The following GRM8 variants were observed in gnomAD, a reference collection of about 807,000 sequenced individuals.
GRM8 encodes glutamate metabotropic receptor 8, also known as metabotropic glutamate receptor 8.
Under a neutral mutation model 87.2 loss-of-function variants are expected in GRM8, and 47 were observed. The ratio of observed to expected loss-of-function variants is 0.54; its 90% CI spans 0.43 to 0.69. GRM8 has a LOEUF of 0.69. Ranked by LOEUF, GRM8 falls within the 30% of genes least tolerant of loss-of-function variation. GRM8 has a pLI of 0.00. For missense variants in GRM8, 1,019 were observed against 1,139.2 expected (o/e 0.89, Z 1.52); for synonymous variants, 396 against 404.5 (o/e 0.98, Z 0.25).
intron 2 of GRM8, among the ~76,000 whole-genome samples, chr7:127,201,681 C>T (rs371132575): frequency 2.6e-5 from 4 of 152,196 alleles, no homozygotes; most frequent in South Asian, 4.2e-4. Context: ...TGGTAAGAAT[C>T]GTCAAAAATT....
intron 2 of GRM8, among the ~76,000 whole-genome samples, chr7:127,200,363 T>C (rs1795520329): frequency 6.6e-6 from 1 of 152,172 alleles, no homozygotes; most frequent in Admixed American, 6.5e-5. Context: ...TGTGGCAGGA[T>C]TTCAGTAAAG....
intron 3 of GRM8, among the ~76,000 whole-genome samples, chr7:126,955,453 AG>A (rs1808582034): frequency 6.6e-6 from 1 of 152,128 alleles, no homozygotes; most frequent in African/African-American, 2.4e-5. Context: ...TCTGCTGACT[AG>A]GAAGTTAAAT....
chr7:126,945,800 G>T (rs1199931852), intron 3 of GRM8, among the ~76,000 whole-genome samples: 8 of 152,072 alleles, frequency 5.3e-5, no homozygotes, highest in Non-Finnish European at 8.8e-5. Context: ...TTTTGTCAAG[G>T]GAAGTTATAT....
intron 9 of GRM8, among the ~76,000 whole-genome samples, chr7:126,465,041 G>T (rs773929107): frequency 1.3e-5 from 2 of 150,644 alleles, no homozygotes; most frequent in Admixed American, 6.6e-5. Context: ...TATTTTTTTT[G>T]ATAATCAAAT....
chr7:126,956,331 A>G (rs533128193), intron 3 of GRM8, among the ~76,000 whole-genome samples: 70 of 152,274 alleles, frequency 4.6e-4, no homozygotes, highest in African/African-American at 1.6e-3. Flanking sequence ...TTACTATTAT[A>G]TTATTTCTCT....
intron 3 of GRM8, among the ~76,000 whole-genome samples, chr7:126,949,241 G>C (rs1807874830): frequency 6.6e-6 from 1 of 152,038 alleles, no homozygotes; most frequent in Non-Finnish European, 1.5e-5. Flanking sequence ...CTGAGACATG[G>C]TCCTAAAAGA....
intron 8 of GRM8, among the ~76,000 whole-genome samples, chr7:126,582,017 A>T (rs1448951548): frequency 6.6e-6 from 1 of 152,146 alleles, no homozygotes; most frequent in Non-Finnish European, 1.5e-5. Context: ...AATGGCTTCT[A>T]ATTGTTCAAG....
intron 9 of GRM8, among the ~76,000 whole-genome samples, chr7:126,453,229 A>G (rs1208112565): frequency 6.6e-6 from 1 of 151,708 alleles, no homozygotes; most frequent in Non-Finnish European, 1.5e-5. Context: ...CACCGTCCTG[A>G]GTGTTGTGTT....
intron 8 of GRM8, among the ~76,000 whole-genome samples, chr7:126,540,703 T>C (rs575544085): frequency 6.6e-6 from 1 of 152,338 alleles, no homozygotes; most frequent in Non-Finnish European, 1.5e-5. Context: ...TATTGCATGT[T>C]TTTATTTTAT....
chr7:126,903,607 A>AAGTATATGTG (rs1802328873), intron 5 of GRM8, among the ~76,000 whole-genome samples: 1 of 146,484 alleles, frequency 6.8e-6, no homozygotes, highest in African/African-American at 2.5e-5. Context: ...CACACTATAT[A>AAGTATATGTG]CATATATACA....
At chr7:126,798,477 C>G (rs765895297) in intron 6 of GRM8, among the ~76,000 whole-genome samples, 3 of 152,074 alleles carry the variant, frequency 2.0e-5, no homozygotes, top group Non-Finnish European at 4.4e-5. Flanking sequence ...GTCCTTAAGG[C>G]CACACCCAGG....
chr7:127,140,887 T>C (rs1828223792), intron 2 of GRM8, among the ~76,000 whole-genome samples: 1 of 151,952 alleles, frequency 6.6e-6, no homozygotes, highest in African/African-American at 2.4e-5. Flanking sequence ...ATAATGTAAG[T>C]TGTGTTTTTT....
At chr7:127,213,857 T>G (rs1482547561) in intron 2 of GRM8, among the ~76,000 whole-genome samples, 1 of 152,226 alleles carries the variant, frequency 6.6e-6, no homozygotes, top group East Asian at 1.9e-4. Context: ...CAATTTCTAC[T>G]AATGCTGAAT....
chr7:126,753,871 G>C (rs2151551092), intron 7 of GRM8, among the ~76,000 whole-genome samples: 1 of 151,934 alleles, frequency 6.6e-6, no homozygotes, highest in Non-Finnish European at 1.5e-5. Context: ...CATTTTAAGT[G>C]ATCTGAATCC....
intron 2 of GRM8, among the ~76,000 whole-genome samples, chr7:127,134,023 T>A (rs1301785411): frequency 6.6e-6 from 1 of 152,198 alleles, no homozygotes; most frequent in Non-Finnish European, 1.5e-5. Context: ...TTCGGTATTA[T>A]CTCCATTCAT....
chr7:127,134,733 T>C (rs1194884614), intron 2 of GRM8, among the ~76,000 whole-genome samples: 1 of 152,126 alleles, frequency 6.6e-6, no homozygotes, highest in East Asian at 1.9e-4. Context: ...CATTTTCTTA[T>C]ATACAAAAAA....
At chr7:127,216,645 A>G (rs924613480) in intron 2 of GRM8, among the ~76,000 whole-genome samples, 2 of 151,848 alleles carry the variant, frequency 1.3e-5, no homozygotes, top group Non-Finnish European at 2.9e-5. Context: ...ATAGCTTCCC[A>G]TTACTCCCAG....
chr7:127,042,036 A>T (rs17865858), intron 3 of GRM8, among the ~76,000 whole-genome samples: 1 of 152,150 alleles, frequency 6.6e-6, no homozygotes, highest in Non-Finnish European at 1.5e-5. Context: ...GGCACTAACA[A>T]TAGGAACTGG....
chr7:126,985,179 C>T (rs1811929428), intron 3 of GRM8, among the ~76,000 whole-genome samples: 1 of 152,096 alleles, frequency 6.6e-6, no homozygotes, highest in Non-Finnish European at 1.5e-5. Flanking sequence ...TTCCCATTTC[C>T]TTGTCACGTG....
Sources: allele counts gnomAD v4.1 joint callset (sites outside exome capture counted in the v4.1 genomes callset), GRCh38; gene constraint gnomAD v4.1.1; transcripts MANE v1.5; gene names NCBI Gene and HGNC (gene_info 2026-07-23, HGNC 2026-07-21).